The following DGKI variants were observed in gnomAD, a reference collection of about 807,000 sequenced individuals.
DGKI encodes diacylglycerol kinase iota.
A neutral mutation model predicts 147.5 loss-of-function variants in DGKI; 55 were observed. The observed-to-expected ratio is 0.37, with a 90% confidence interval of 0.30 to 0.47. The LOEUF (loss-of-function observed/expected upper bound fraction) is 0.47, where lower values mean the gene tolerates loss of function less well. DGKI is among the 20% of genes least tolerant of loss of function. The pLI is 1.00. For missense variants in DGKI, 1,007 were observed against 1,323.8 expected (o/e 0.76, Z 3.71); for synonymous variants, 469 against 477.1 (o/e 0.98, Z 0.22).
intron 12 of DGKI, among the ~76,000 whole-genome samples, chr7:137,597,499 A>T (rs1372060250): frequency 6.6e-6 from 1 of 152,138 alleles, no homozygotes; most frequent in Non-Finnish European, 1.5e-5. Context: ...ATTTCTCCCT[A>T]CTGTGGCCAA....
chr7:137,533,023 G>A (rs1169852472), intron 20 of DGKI, among the ~76,000 whole-genome samples: 1 of 152,094 alleles, frequency 6.6e-6, no homozygotes, highest in Non-Finnish European at 1.5e-5. Context: ...GGTCAGTTGG[G>A]GCCAGGTGCA....
At chr7:137,645,160 C>T (rs865801102) in intron 6 of DGKI, among the ~76,000 whole-genome samples, 1 of 152,194 alleles carries the variant, frequency 6.6e-6, no homozygotes. Flanking sequence ...GGCCAAAGTA[C>T]GATGAGCCAG....
At chr7:137,798,350 A>G (rs191435965) in intron 1 of DGKI, among the ~76,000 whole-genome samples, 95 of 152,332 alleles carry the variant, frequency 6.2e-4, no homozygotes, top group African/African-American at 2.2e-3. Context: ...CGTGGCCAGT[A>G]TTATCATGAT....
intron 10 of DGKI, 136 bp downstream of exon 10, chr7:137,608,830 C>T (rs1287770614): frequency 1.2e-5 from 8 of 687,270 alleles, no homozygotes; most frequent in Non-Finnish European, 2.0e-5. Flanking sequence ...ATCAGAGAAA[C>T]AATAACCTTG....
chr7:137,583,697 T>C (rs1819284700), intron 14 of DGKI, among the ~76,000 whole-genome samples: 1 of 152,154 alleles, frequency 6.6e-6, no homozygotes, highest in Non-Finnish European at 1.5e-5. Flanking sequence ...TGGATTTCTA[T>C]TGCACGTCTA....
intron 1 of DGKI, among the ~76,000 whole-genome samples, chr7:137,831,617 G>A (rs1798222385): frequency 6.6e-6 from 1 of 152,176 alleles, no homozygotes; most frequent in South Asian, 2.1e-4. Flanking sequence ...AGTTATGGGA[G>A]TACAATTCAA....
intron 20 of DGKI, among the ~76,000 whole-genome samples, 163 bp from the exon 21 acceptor site, chr7:137,522,129 A>G (rs1816983333): frequency 6.6e-6 from 1 of 152,108 alleles, no homozygotes; most frequent in Admixed American, 6.6e-5. Context: ...AGTGATCTGG[A>G]GAACACTTCT....
rs774719115 is a variant in DGKI, at chr7:137,597,832, C to T, written c.1311+15G>A. On this transcript the variant is annotated intron_variant, in intron 12 of 32. Coordinates refer to ENST00000614521, the MANE Select transcript of DGKI (RefSeq NM_001321708.2). ...TAGAATTGGCAGAGAACTGGATTCT[C>T]TCTCAGGGACCTACCGTTCCATCCC... The T allele has an allele frequency of 4.3e-6, 7 of 1,612,800 alleles. No homozygotes were observed. The highest frequency in any genetic ancestry group is 3.3e-4 in the Middle Eastern group (2 of 6,062).
chr7:137,510,916 C>T (rs1007051815), intron 21 of DGKI, among the ~76,000 whole-genome samples: 2 of 152,170 alleles, frequency 1.3e-5, no homozygotes, highest in African/African-American at 2.4e-5. Context: ...CAAAGACATC[C>T]CTAGCAGCTG....
chr7:137,495,401 T>C (rs1259057104), intron 21 of DGKI, among the ~76,000 whole-genome samples: 1 of 119,094 alleles, frequency 8.4e-6, no homozygotes, highest in Non-Finnish European at 1.6e-5. Flanking sequence ...TGAAACTATT[T>C]AACAAAAAAA....
At chr7:137,546,981 G>A (rs887102363) in intron 20 of DGKI, among the ~76,000 whole-genome samples, 3 of 152,292 alleles carry the variant, frequency 2.0e-5, no homozygotes, top group Non-Finnish European at 4.4e-5. Flanking sequence ...TGGATGAAAC[G>A]ATCATCTTTA....
intron 11 of DGKI, 92 bp downstream of exon 11, chr7:137,599,731 G>T: frequency 1.7e-6 from 2 of 1,142,918 alleles, no homozygotes; most frequent in Non-Finnish European, 2.6e-6. Context: ...CAGATGGTCA[G>T]GATATACCTC....
chr7:137,472,120 A>AATAT (rs201623954), intron 23 of DGKI, among the ~76,000 whole-genome samples: 2 of 123,222 alleles, frequency 1.6e-5, no homozygotes, highest in Non-Finnish European at 3.1e-5. Context: ...TATACATATA[A>AATAT]ATATATATAC....
At position 137,552,752 on chromosome 7, in the gene DGKI, T is replaced by TCCAAAA. The variant is rs777780004; in HGVS notation, c.1948-185_1948-184insTTTTGG. Among the ~76,000 whole-genome samples, 97 of 121,268 alleles carry TCCAAAA rather than the reference T, an allele frequency of 8.0e-4. 1 individual carries two copies. The highest frequency in any genetic ancestry group is 2.3e-3 in the African/African-American group (77 of 33,096). 79.6% of individuals were successfully genotyped at this position (121,268 alleles called of 152,430 possible). The stretch of plus-strand genomic sequence containing the variant: ...GGCGAGACCCGGTCTCTACTAAAAA[T>TCCAAAA]ACAAAAAAAAAAAAAAGCTGGGCAT... On this transcript the variant is annotated intron_variant, in intron 19 of 32. Coordinates refer to ENST00000614521, the MANE Select transcript of DGKI (RefSeq NM_001321708.2).
chr7:137,709,695 T>C (rs1002235092), intron 1 of DGKI, among the ~76,000 whole-genome samples: 1 of 151,942 alleles, frequency 6.6e-6, no homozygotes, highest in African/African-American at 2.4e-5. Flanking sequence ...CCAAGACACA[T>C]GAAATCCTCA....
chr7:137,745,900 A>T (rs756957099), intron 1 of DGKI, among the ~76,000 whole-genome samples: 3 of 152,182 alleles, frequency 2.0e-5, no homozygotes, highest in Non-Finnish European at 4.4e-5. Flanking sequence ...AAATTGCAAA[A>T]ATTATGGCCA....
chr7:137,742,786 C>G (rs981117720), intron 1 of DGKI, among the ~76,000 whole-genome samples: 2 of 152,048 alleles, frequency 1.3e-5, no homozygotes, highest in African/African-American at 4.8e-5. Context: ...GGCTTGATCC[C>G]AGAAGTAACC....
intron 23 of DGKI, among the ~76,000 whole-genome samples, chr7:137,475,211 T>G (rs1815128321): frequency 6.6e-6 from 1 of 152,150 alleles, no homozygotes; most frequent in Non-Finnish European, 1.5e-5. Flanking sequence ...TTCTGAGTTT[T>G]GGAGAAAACA....
At chr7:137,577,018 G>A (rs79388389) in intron 17 of DGKI, among the ~76,000 whole-genome samples, 174 of 152,222 alleles carry the variant, frequency 1.1e-3, no homozygotes, top group African/African-American at 4.1e-3. Context: ...CTTCAGGAGC[G>A]AAACTAGTCT....
Sources: gnomAD v4.1 joint callset for allele counts (sites outside exome capture counted in the v4.1 genomes callset) on GRCh38, gnomAD v4.1.1 for gene constraint, MANE v1.5 for transcripts, NCBI Gene and HGNC (gene_info 2026-07-23, HGNC 2026-07-21) for gene names.